Variants in ICA1 observed in about 807,000 individuals in gnomAD.
The protein encoded by ICA1 is islet cell autoantigen 1.
A neutral mutation model predicts 71.0 loss-of-function variants in ICA1; 40 were observed. The observed-to-expected ratio is 0.56, with a 90% confidence interval of 0.44 to 0.73. ICA1 has a LOEUF of 0.73. Among genes scored for constraint, ICA1 ranks in the 30% least tolerant of loss-of-function variants. ICA1 has a pLI of 0.00. For missense variants in ICA1, 578 were observed against 576.5 expected (o/e 1.00, Z -0.03); for synonymous variants, 207 against 209.5 (o/e 0.99, Z 0.10).
intron 6 of ICA1, among the ~76,000 whole-genome samples, chr7:8,176,204 T>C (rs1294123511): frequency 2.0e-5 from 3 of 152,228 alleles, no homozygotes; most frequent in Non-Finnish European, 4.4e-5. Context: ...TCCTTTCCCA[T>C]GTTACCTTCC....
Position 8,152,051 on chromosome 7 carries a change from TTCC to T in ICA1, c.804+5062_804+5064del, listed in dbSNP as rs1291685205. 6.6e-5 allele frequency among the ~76,000 whole-genome samples: 10 copies of T among 152,264 alleles called. No homozygotes were observed. The South Asian group carries it at 2.1e-3, about 32-fold the overall frequency. On this transcript the variant is annotated intron_variant, in intron 8 of 13. Transcript: ENST00000402384. The stretch of plus-strand genomic sequence containing the variant: ...GCAGAGATGGGAGGCCCTACTGCCT[TTCC>T]TGCCTGCCGGCCTTCCCAGCCCTCT...
rs113420820 is a variant in ICA1, at chr7:8,143,465, G to A, written c.902+410C>T. 3.9e-3 allele frequency among the ~76,000 whole-genome samples: 600 copies of A among 152,296 alleles called. 3 individuals are homozygous for A. The highest frequency in any genetic ancestry group is 0.014 in the African/African-American group (563 of 41,550). ...TATCCCAGGGCAATTTCATAGGTAA[G>A]CTCCCTCAGTGAGAGAAAAGCCAGG... On this transcript the variant is annotated intron_variant, in intron 9 of 13. Transcript: ENST00000402384.
intron 8 of ICA1, among the ~76,000 whole-genome samples, chr7:8,146,717 A>ATG (rs1797026305): frequency 7.6e-6 from 1 of 131,720 alleles, no homozygotes; most frequent in Non-Finnish European, 1.6e-5. Flanking sequence ...AAAGTCAGGC[A>ATG]CGTGTGTGCG....
intron 9 of ICA1, 78 bp from the exon 10 acceptor site, chr7:8,141,895 ATTAC>A (rs755333987): frequency 4.5e-6 from 6 of 1,344,706 alleles, no homozygotes; most frequent in Non-Finnish European, 5.2e-6. Flanking sequence ...TCAGTACAAT[ATTAC>A]TTCACTTTTA....
Position 8,144,016 on chromosome 7 carries a change from GAAGA to G in ICA1, c.805-48_805-45del. 2.8e-6 allele frequency: 3 copies of G among 1,080,190 alleles called. No homozygotes were observed. The highest frequency in any genetic ancestry group is 4.1e-6 in the Non-Finnish European group (3 of 726,230). 66.9% of individuals were successfully genotyped at this position (1,080,190 alleles called of 1,614,324 possible). On this transcript the variant is annotated intron_variant, in intron 8 of 13. Coordinates refer to ENST00000402384, the MANE Select transcript of ICA1 (RefSeq NM_001136020.3). This position sits in a 1 kb window ranked among gnomAD's most constrained non-coding sequence, Gnocchi z 4.5. ...AAAAATGAAAAAGAAAAAAAAAGAA[GAAGA>G]AATAGAGACAAAAAAAAGAAAAGAA...
chr7:8,171,118 C>T (rs371388540), intron 6 of ICA1, among the ~76,000 whole-genome samples: 15 of 151,902 alleles, frequency 9.9e-5, no homozygotes, highest in African/African-American at 3.6e-4. Context: ...CTTATAATAT[C>T]TTTTTCTGGT....
In ICA1 at chr7:8,144,105, G is replaced by A; in HGVS notation, c.805-133C>T. 2 of 617,534 alleles carry A rather than the reference G, an allele frequency of 3.2e-6. No individual in the cohort carries two copies. The highest frequency in any genetic ancestry group is 5.7e-6 in the Non-Finnish European group (2 of 352,398). The allele number at this position is 617,534 out of a possible 1,614,324, so 38.3% of individuals were successfully genotyped here. On this transcript the variant is annotated intron_variant, in intron 8 of 13. Coordinates refer to ENST00000402384, the MANE Select transcript of ICA1 (RefSeq NM_001136020.3). The surrounding 1 kb of genome is among the most constrained non-coding windows in gnomAD (Gnocchi z 4.5). ...CCCAGCAACCAAACTTTGAATTACA[G>A]GTATTGGGAGGTGACCTTGAACCAA... is the stretch of plus-strand genomic sequence containing the variant.
intron 1 of ICA1, among the ~76,000 whole-genome samples, chr7:8,243,251 G>A (rs1482575643): frequency 6.6e-6 from 1 of 152,140 alleles, no homozygotes; most frequent in Non-Finnish European, 1.5e-5. Context: ...GGAATGCAAG[G>A]CTGGTTCAAC....
rs185870792 is a variant in ICA1 at position 8,208,262 on chromosome 7, G to T, written c.579+10043C>A. 6.6e-5 allele frequency among the ~76,000 whole-genome samples: 10 copies of T among 152,262 alleles called. No individual in the cohort carries two copies. In the East Asian group the frequency reaches 1.9e-3, roughly 29 times the overall value. On this transcript the variant is annotated intron_variant, in intron 6 of 13. Coordinates refer to ENST00000402384, the MANE Select transcript of ICA1 (RefSeq NM_001136020.3). ...GAAGTCTGTTTGTAAAGAAGGATTT[G>T]AAGAAAATTCTTTTTGATTCTAACA...
chr7:8,208,969 G>T (rs1022376237), intron 6 of ICA1, among the ~76,000 whole-genome samples: 2 of 152,268 alleles, frequency 1.3e-5, no homozygotes, highest in East Asian at 3.9e-4. Flanking sequence ...GAACTTGATG[G>T]TTCCACTCAG....
chr7:8,192,789 T>C (rs969260921), intron 6 of ICA1, among the ~76,000 whole-genome samples: 1 of 152,224 alleles, frequency 6.6e-6, no homozygotes, highest in African/African-American at 2.4e-5. Context: ...CTTTATTCAA[T>C]AGTATTACAC....
rs33924786 is a variant in ICA1, at chr7:8,153,836, A to AATATATATATATATATAT, written c.804+3262_804+3279dup. ...AATATATTAATTACAACTCATGCAG[A>AATATATATATATATATAT]ATATATATATATATATATATATGTA... On this transcript the variant is annotated intron_variant, in intron 8 of 13. Coordinates refer to ENST00000402384, the MANE Select transcript of ICA1 (RefSeq NM_001136020.3). 7.1e-3 allele frequency among the ~76,000 whole-genome samples: 972 copies of AATATATATATATATATAT among 137,002 alleles called. 18 individuals carry two copies. Among genetic ancestry groups the AATATATATATATATATAT allele is most frequent in the Middle Eastern group, 0.016 (4 of 258 alleles). 89.9% of individuals were successfully genotyped at this position (137,002 alleles called of 152,430 possible).
At chr7:8,202,997 T>C (rs1333551527) in intron 6 of ICA1, among the ~76,000 whole-genome samples, 2 of 152,218 alleles carry the variant, frequency 1.3e-5, no homozygotes, top group Non-Finnish European at 2.9e-5. Context: ...CATGGGTACA[T>C]TAACTGTCAG....
At chr7:8,146,376 A>C (rs915138470) in intron 8 of ICA1, among the ~76,000 whole-genome samples, 1 of 152,198 alleles carries the variant, frequency 6.6e-6, no homozygotes, top group Non-Finnish European at 1.5e-5. Flanking sequence ...TCTGAGGAAC[A>C]AAAAGAATGC....
chr7:8,198,962 C>T (rs762259661), intron 6 of ICA1, among the ~76,000 whole-genome samples: 6 of 152,154 alleles, frequency 3.9e-5, no homozygotes, highest in Admixed American at 1.3e-4. Context: ...TTTCTCAAGA[C>T]ACAGAAATGG....
In ICA1 at chr7:8,218,360, T is replaced by A; in HGVS notation, c.524A>T (p.Asp175Val). The A allele has an allele frequency of 6.2e-7, 1 of 1,614,148 alleles. No homozygotes were observed. The highest frequency in any genetic ancestry group is 8.5e-7 in the Non-Finnish European group (1 of 1,179,990). ...GTCTGGATCAAGCTCCTGAGACACG[T>A]CCTTCATCCATAATAGTGCTCCTCT... Reference protein sequence around the residue: ...EYRGALLWMKDVSQELDPDLY... With the variant: ...EYRGALLWMKVVSQELDPDLY... Residue 175 changes from aspartate (D) to valine (V), a missense_variant, in exon 6 of 14, where the codon GAC becomes GTC. By Grantham distance (152) the Asp-to-Val change is radical (BLOSUM62 -3). Transcript: ENST00000402384.
intron 6 of ICA1, among the ~76,000 whole-genome samples, chr7:8,166,926 G>A (rs10236022): frequency 0.58 from 87,653 of 152,026 alleles, 27,482 homozygotes; most frequent in African/African-American, 0.85. Flanking sequence ...CAAAACTACA[G>A]TAAGATATAT....
intron 6 of ICA1, among the ~76,000 whole-genome samples, chr7:8,206,719 C>A (rs998520042): frequency 5.6e-5 from 8 of 143,912 alleles, no homozygotes; most frequent in Non-Finnish European, 7.4e-5. Context: ...ATCTTTCTCC[C>A]ACAGGTTTAA....
chr7:8,235,880 C>T lies in ICA1; in HGVS notation c.17+30G>A, dbSNP rs1034069998. On this transcript the variant is annotated intron_variant, in intron 2 of 13. Transcript: ENST00000402384. ...CATATGCTATATGCTTTCTACTTTC[C>T]CAATTCAGAAAAGATGACAAATTAC... is the stretch of plus-strand genomic sequence containing the variant. 11 of 1,607,868 alleles carry T rather than the reference C, an allele frequency of 6.8e-6. No homozygotes were observed. In the East Asian group the frequency reaches 2.0e-4, roughly 29 times the overall value.
Sources: allele counts gnomAD v4.1 joint callset (sites outside exome capture counted in the v4.1 genomes callset), GRCh38; gene constraint gnomAD v4.1.1; non-coding constraint Gnocchi (gnomAD v3.1); transcripts MANE v1.5; gene names NCBI Gene and HGNC (gene_info 2026-07-23, HGNC 2026-07-21).